Variants in TBC1D19 observed in about 807,000 individuals in gnomAD.
The protein encoded by TBC1D19 is TBC1 domain family, member 19.
Under a neutral mutation model 89.0 loss-of-function variants are expected in TBC1D19, and 60 were observed. The observed-to-expected ratio is 0.67, with a 90% CI of 0.55 to 0.84. The LOEUF (loss-of-function observed/expected upper bound fraction) is 0.84. TBC1D19 is among the 40% of genes least tolerant of loss of function. TBC1D19 has a pLI of 0.00. For synonymous variants in TBC1D19, 189 were observed against 199.7 expected, an observed-to-expected ratio of 0.95 and a Z score of 0.45; for missense variants, 500 against 610.8, an observed-to-expected ratio of 0.82 and a Z score of 1.91.
intron 13 of TBC1D19, among the ~76,000 whole-genome samples, chr4:26,702,748 T>C (rs1324735863): frequency 2.6e-5 from 4 of 152,192 alleles, no homozygotes; most frequent in Admixed American, 2.6e-4. Flanking sequence ...CTTAATACCT[T>C]TTTAAGTGTA....
At chr4:26,628,257 G>C (rs1742562744) in intron 4 of TBC1D19, among the ~76,000 whole-genome samples, 1 of 152,048 alleles carries the variant, frequency 6.6e-6, no homozygotes, top group Non-Finnish European at 1.5e-5. Context: ...TCTCTGTTTT[G>C]GTACCAGTAC....
At chr4:26,727,419 G>A (rs1273579135) in intron 15 of TBC1D19, among the ~76,000 whole-genome samples, 1 of 152,148 alleles carries the variant, frequency 6.6e-6, no homozygotes, top group African/African-American at 2.4e-5. Flanking sequence ...TAAGCTGAGT[G>A]TGCCTTTATC....
At chr4:26,588,987 T>C (rs1251134002) in intron 1 of TBC1D19, among the ~76,000 whole-genome samples, 5 of 152,146 alleles carry the variant, frequency 3.3e-5, no homozygotes, top group African/African-American at 9.7e-5. Context: ...TGTCATTACC[T>C]TCAGTATATC....
chr4:26,595,768 G>A (rs1740167454), intron 1 of TBC1D19, among the ~76,000 whole-genome samples: 1 of 151,798 alleles, frequency 6.6e-6, no homozygotes, highest in Non-Finnish European at 1.5e-5. Context: ...AGTTGGTGAT[G>A]TTTATGTGGA....
intron 7 of TBC1D19, 139 bp from the exon 8 acceptor site, chr4:26,659,458 T>A: frequency 2.0e-6 from 1 of 491,938 alleles, no homozygotes; most frequent in Non-Finnish European, 3.7e-6. Flanking sequence ...TTATACTATT[T>A]TAGAATGTAA....
chr4:26,677,933 GGT>G (rs1180557929), intron 11 of TBC1D19, among the ~76,000 whole-genome samples: 1 of 152,114 alleles, frequency 6.6e-6, no homozygotes, highest in Admixed American at 6.6e-5. Context: ...TCCAGTCTTG[GGT>G]ATTTCTTCAT....
At chr4:26,823,135 G>A in the TBC1D19 span, among the ~76,000 whole-genome samples, 2 of 152,226 alleles carry the variant, frequency 1.3e-5, no homozygotes. Context: ...GCAAGGAGGA[G>A]CAAGTCACAT....
intron 18 of TBC1D19, among the ~76,000 whole-genome samples, chr4:26,746,804 G>GC (rs1435626081): frequency 6.6e-6 from 1 of 152,034 alleles, no homozygotes; most frequent in Non-Finnish European, 1.5e-5. Context: ...ATAACAATAT[G>GC]CAAGCATCAC....
the TBC1D19 span, among the ~76,000 whole-genome samples, chr4:26,830,372 T>A: frequency 6.6e-6 from 1 of 152,052 alleles, no homozygotes; most frequent in Non-Finnish European, 1.5e-5. Context: ...GTAGGTGACA[T>A]CCCACCTCTG....
At chr4:26,609,171 C>T (rs1025823847) in intron 1 of TBC1D19, among the ~76,000 whole-genome samples, 13 of 151,188 alleles carry the variant, frequency 8.6e-5, no homozygotes, top group Non-Finnish European at 1.8e-4. Context: ...AACAAACCTG[C>T]ACATTGTGCA....
chr4:26,782,832 A>G, the TBC1D19 span, among the ~76,000 whole-genome samples: 1 of 146,842 alleles, frequency 6.8e-6, no homozygotes, highest in Non-Finnish European at 1.5e-5. Context: ...TTTCCTTGAG[A>G]AAAAAAAAAA....
chr4:26,605,052 A>ATTT (rs902407852), intron 1 of TBC1D19, among the ~76,000 whole-genome samples: 1 of 151,628 alleles, frequency 6.6e-6, no homozygotes, highest in South Asian at 2.1e-4. Context: ...TTTTATTTTT[A>ATTT]TTTTTTTATT....
rs2109112900 is a variant in TBC1D19 at position 26,673,808 on chromosome 4, C to T, written c.736C>T (p.Gln246Ter). 6.2e-7 allele frequency: 1 copy of T among 1,611,596 alleles called. No individual in the cohort carries two copies. The highest frequency in any genetic ancestry group is 2.2e-5 in the East Asian group (1 of 44,754). Residue 246 changes from glutamine to a stop codon, truncating the protein, a stop_gained, in exon 11 of 21, where the codon CAG becomes TAG. Coordinates refer to ENST00000264866, the MANE Select transcript of TBC1D19 (RefSeq NM_018317.4). LOFTEE classifies it high-confidence loss of function. ...LAEQDSAAAQ[Q>*]YIRQGSPTAL... Reference sequence around the variant, plus strand: ...AGAACAAGATAGTGCTGCTGCTCAACAGTACATCAGACAAGGAAGTCCCAC... The same window carrying T: ...AGAACAAGATAGTGCTGCTGCTCAATAGTACATCAGACAAGGAAGTCCCAC...
chr4:26,810,852 A>G, the TBC1D19 span, among the ~76,000 whole-genome samples: 55 of 152,162 alleles, frequency 3.6e-4, no homozygotes, highest in African/African-American at 1.2e-3. Context: ...ACCATACTAC[A>G]TGGGGTAGGT....
intron 19 of TBC1D19, among the ~76,000 whole-genome samples, chr4:26,751,831 G>A (rs1275910180): frequency 1.3e-5 from 2 of 152,196 alleles, no homozygotes; most frequent in African/African-American, 4.8e-5. Context: ...ACAATGACCA[G>A]GACCACTGTA....
intron 8 of TBC1D19, among the ~76,000 whole-genome samples, chr4:26,660,287 A>C (rs1745141757): frequency 6.6e-6 from 1 of 152,170 alleles, no homozygotes; most frequent in Non-Finnish European, 1.5e-5. Context: ...AAATATAAAT[A>C]CTGTCTTTGG....
intron 13 of TBC1D19, among the ~76,000 whole-genome samples, chr4:26,717,257 G>T (rs1716686476): frequency 1.3e-5 from 2 of 151,964 alleles, no homozygotes; most frequent in Non-Finnish European, 2.9e-5. Context: ...CTAATACTGA[G>T]ACCCAGATTT....
chr4:26,590,811 T>G (rs13125016), intron 1 of TBC1D19, among the ~76,000 whole-genome samples: 1,889 of 125,748 alleles, frequency 0.015, 58 homozygotes, highest in African/African-American at 0.052. Context: ...TTTTTTTTTT[T>G]TTTTTTTTTT....
chr4:26,611,710 A>G (rs959711311), intron 1 of TBC1D19, among the ~76,000 whole-genome samples: 5 of 152,150 alleles, frequency 3.3e-5, no homozygotes. Flanking sequence ...TTTTGCAAAG[A>G]ATCATTTCCC....
Sources: allele counts gnomAD v4.1 joint callset (sites outside exome capture counted in the v4.1 genomes callset), GRCh38; gene constraint gnomAD v4.1.1; transcripts MANE v1.5; gene names NCBI Gene and HGNC (gene_info 2026-07-23, HGNC 2026-07-21).